ISYNA1: variants seen among roughly 807,000 people sequenced by gnomAD.
The protein encoded by ISYNA1 is MI-1-P synthase.
Under a neutral mutation model 50.3 loss-of-function variants are expected in ISYNA1, and 34 were observed. That is an observed-to-expected ratio of 0.68 (90% CI 0.51 to 0.90). ISYNA1 has a LOEUF of 0.90. ISYNA1 is among the 40% of genes least tolerant of loss of function. ISYNA1 has a pLI of 0.00. For synonymous variants in ISYNA1, 396 were observed against 349.9 expected, an observed-to-expected ratio of 1.13 and a Z score of -1.47; for missense variants, 718 against 784.8, an observed-to-expected ratio of 0.91 and a Z score of 1.02.
chr19:18,438,040 C>G, intron 1 of ISYNA1, 52 bp from the exon 2 acceptor site: 1 of 1,494,890 alleles, frequency 6.7e-7, no homozygotes, highest in Non-Finnish European at 8.9e-7. Context: ...GCGGCCGGGG[C>G]CAAGCCAGCC....
Position 18,437,263 on chromosome 19 carries a change from T to TC in ISYNA1, c.283-159dup. On this transcript the variant is annotated intron_variant, in intron 3 of 10. Coordinates refer to ENST00000338128, the MANE Select transcript of ISYNA1 (RefSeq NM_016368.5). Reference sequence around the variant, plus strand: ...ACGGAAGCCGCTGCCCCCAGGCCCCTCCCCTGAGACCTCCGGCACCTTAAG... The same window carrying TC: ...ACGGAAGCCGCTGCCCCCAGGCCCCTCCCCCTGAGACCTCCGGCACCTTAAG... 2.1e-6 allele frequency: 3 copies of TC among 1,422,114 alleles called. No homozygotes were observed. In the South Asian group the frequency reaches 4.5e-5, roughly 21 times the overall value. 88.1% of individuals were successfully genotyped at this position (1,422,114 alleles called of 1,614,324 possible). A position where few individuals can be genotyped will look rare whatever the true frequency, so the allele number is the denominator to read the frequency against.
At position 18,436,492 on chromosome 19, in the gene ISYNA1, T is replaced by TGGAGAG; in HGVS notation, c.610-14_610-13insCTCTCC. ...GGATCTGCTCCAGCTGTGGGTTGGA[T>TGGAGAG]GGTGAGGGTGTGGGGAGGATGGAGA... is the stretch of plus-strand genomic sequence containing the variant. On this transcript the variant is annotated splice_polypyrimidine_tract_variant and intron_variant, in intron 5 of 10. Transcript: ENST00000338128. 6.2e-7 allele frequency: 1 copy of TGGAGAG among 1,602,844 alleles called. No individual in the cohort carries two copies. The highest frequency in any genetic ancestry group is 1.1e-5 in the South Asian group (1 of 91,034).
chr19:18,437,347 G>A (rs1181442778), intron 3 of ISYNA1: 3 of 1,384,166 alleles, frequency 2.2e-6, no homozygotes, highest in Non-Finnish European at 2.8e-6. Flanking sequence ...CTTCCACGGG[G>A]TCCGCCTGCA....
intron 3 of ISYNA1, 58 bp downstream of exon 3, chr19:18,437,541 C>A: frequency 7.8e-7 from 1 of 1,287,154 alleles, no homozygotes; most frequent in South Asian, 1.6e-5. Flanking sequence ...GGCTCCCGCC[C>A]CCGCCCGCAA....
Position 18,435,826 on chromosome 19 carries a change from G to T in ISYNA1, c.1071C>A (p.Ser357Arg), listed in dbSNP as rs1001719078. The T allele has an allele frequency of 1.2e-6, 2 of 1,613,954 alleles. No homozygotes were observed. Among genetic ancestry groups the T allele is most frequent in the Middle Eastern group, 1.6e-4 (1 of 6,062 alleles). ...TCTGCACCATGTCGTCCACCACGTTGCTCTTGGACACCTCCTTAGAGCGGA... is the reference window on the plus strand; with the variant it reads ...TCTGCACCATGTCGTCCACCACGTTTCTCTTGGACACCTCCTTAGAGCGGA... ...LQFRSKEVSK[S>R]NVVDDMVQSN... The change falls in exon 8 of 11, where the codon AGC becomes AGA. Residue 357 changes from serine to arginine, a missense_variant. Physicochemically the swap from Ser to Arg is moderately radical, Grantham distance 110. This residue lies in a region of ISYNA1 where 305 missense variants were observed against 292.6 expected (regional missense o/e 1.04). Transcript: ENST00000338128.
rs1974117308 is a variant in ISYNA1, at chr19:18,437,649, C to T, written c.232G>A (p.Val78Met). The T allele has an allele frequency of 6.5e-7, 1 of 1,541,390 alleles. No individual in the cohort carries two copies. The highest frequency in any genetic ancestry group is 8.7e-7 in the Non-Finnish European group (1 of 1,147,412). The change falls in exon 3 of 11, where the codon GTG becomes ATG. Residue 78 changes from valine (V) to methionine (M), a missense_variant. By Grantham distance (21) the Val-to-Met change is conservative. This residue lies in a region of ISYNA1 where 403 missense variants were observed against 466.6 expected (regional missense o/e 0.86). Transcript: ENST00000338128. ...GACAAACGCAGTCGATTGGCCAGCA[C>T]CGCGGCGGTGAGTGTGGAGCCGTTG... is the stretch of plus-strand genomic sequence containing the variant. ...GNNGSTLTAA[V>M]LANRLRLSWP...
At position 18,437,768 on chromosome 19, in the gene ISYNA1, C is replaced by CA; in HGVS notation, c.121-9dup. On this transcript the variant is annotated splice_polypyrimidine_tract_variant and intron_variant, in intron 2 of 10. Transcript: ENST00000338128. ...CGTGGACGTGGGGTGCACCTGAAGA[C>CA]AGGCCGCGCAGTGAATCCCGGGTCC... is the stretch of plus-strand genomic sequence containing the variant. The CA allele has an allele frequency of 6.3e-7, 1 of 1,587,584 alleles. No individual in the cohort carries two copies. Among genetic ancestry groups the CA allele is most frequent in the Non-Finnish European group, 8.5e-7 (1 of 1,169,622 alleles).
In ISYNA1 at chr19:18,434,617, T is replaced by G; in HGVS notation, c.*296A>C. ...TGCCACCACACTCTCCACCCTGTGGTCTTGTTCCGTCCCCGCCCCCATCTA... is the reference window on the plus strand; with the variant it reads ...TGCCACCACACTCTCCACCCTGTGGGCTTGTTCCGTCCCCGCCCCCATCTA... On this transcript the variant is annotated 3_prime_UTR_variant, in exon 11 of 11. Transcript: ENST00000338128. The G allele has an allele frequency of 1.8e-6, 1 of 553,920 alleles. No individual in the cohort carries two copies. The highest frequency in any genetic ancestry group is 3.2e-6 in the Non-Finnish European group (1 of 311,070). The allele number at this position is 553,920 out of a possible 1,614,324, so 34.3% of individuals were successfully genotyped here.
Position 18,436,750 on chromosome 19 carries a change from G to A in ISYNA1, c.543C>T (p.Pro181=), listed in dbSNP as rs917606458. Residue 181 remains proline (P), a synonymous_variant, in exon 5 of 11, where the codon CCC becomes CCT. Transcript: ENST00000338128. Reference sequence around the variant, plus strand: ...CGCTCTGGTTGGCCGCGATGAATTCGGGGATGTAAACAGAAGGCCGGGGCC... The same window carrying A: ...CGCTCTGGTTGGCCGCGATGAATTCAGGGATGTAAACAGAAGGCCGGGGCC... The part of the protein sequence containing the change: ...ALRPRPSVYI[P]EFIAANQSAR... 3.2e-6 allele frequency: 5 copies of A among 1,573,058 alleles called. No individual in the cohort carries two copies. Among genetic ancestry groups the A allele is most frequent in the East Asian group, 4.6e-5 (2 of 43,834 alleles).
Position 18,436,955 on chromosome 19 carries a change from G to T in ISYNA1, c.415+18C>A, listed in dbSNP as rs1251493889. The T allele has an allele frequency of 6.3e-7, 1 of 1,599,084 alleles. No individual in the cohort carries two copies. Among genetic ancestry groups the T allele is most frequent in the Admixed American group, 1.7e-5 (1 of 59,660 alleles). On this transcript the variant is annotated intron_variant, in intron 4 of 10. Coordinates refer to ENST00000338128, the MANE Select transcript of ISYNA1 (RefSeq NM_016368.5). ...CCATCTCCCATCCCGCCCCACCCCGGCCCAGGGCTCCGCCCACCATCGAAC... is the reference window on the plus strand; with the variant it reads ...CCATCTCCCATCCCGCCCCACCCCGTCCCAGGGCTCCGCCCACCATCGAAC...
rs1254691036 is a variant in ISYNA1 at position 18,437,715 on chromosome 19, C to A, written c.166G>T (p.Val56Leu). 1.3e-6 allele frequency: 2 copies of A among 1,561,918 alleles called. No homozygotes were observed. The highest frequency in any genetic ancestry group is 8.6e-7 in the Non-Finnish European group (1 of 1,156,578). ...TRFTFRTARQ[V>L]PRLGVMLVGW... The stretch of plus-strand genomic sequence containing the variant: ...ACAAGCATGACCCCGAGCCGGGGCA[C>A]CTGCCGGGCGGTCCGGAAGGTGAAG... Residue 56 changes from valine to leucine, a missense_variant, in exon 3 of 11, where the codon GTG (valine) becomes TTG (leucine). Around this residue, in one of 3 missense-constraint regions of ISYNA1, gnomAD observed 403 missense variants for 466.6 expected, o/e 0.86. Coordinates refer to ENST00000338128, the MANE Select transcript of ISYNA1 (RefSeq NM_016368.5).
chr19:18,437,165 GCCTGGGCCCCACCTAGACTC>G, intron 3 of ISYNA1, 60 bp from the exon 4 acceptor site: 1 of 1,514,990 alleles, frequency 6.6e-7, no homozygotes, highest in Non-Finnish European at 8.9e-7. Flanking sequence ...CCGCGACCCG[GCCTGGGCCCCACCTAGACTC>G]TCAAGCCCCG....
chr19:18,436,255 C>G lies in ISYNA1; in HGVS notation c.760-8G>C. 3 of 1,607,828 alleles carry G rather than the reference C, an allele frequency of 1.9e-6. No individual in the cohort carries two copies. Among genetic ancestry groups the G allele is most frequent in the Non-Finnish European group, 2.5e-6 (3 of 1,179,786 alleles). On this transcript the variant is annotated splice_region_variant and splice_polypyrimidine_tract_variant and intron_variant, in intron 6 of 10. Transcript: ENST00000338128. ...CGACACCTCCAGACCGAGCTGTGGG[C>G]AAGGCGGGCAGTCAGCACAGAGCTG...
chr19:18,435,304 C>A lies in ISYNA1; in HGVS notation c.1434G>T (p.Ala478=). 1.2e-6 allele frequency: 2 copies of A among 1,607,736 alleles called. No homozygotes were observed. The highest frequency in any genetic ancestry group is 1.7e-6 in the Non-Finnish European group (2 of 1,179,866). The change falls in exon 10 of 11, where the codon GCG becomes GCT. Residue 478 remains alanine, a synonymous_variant. Coordinates refer to ENST00000338128, the MANE Select transcript of ISYNA1 (RefSeq NM_016368.5). ...CGATGCAGCTGCGCTGGCGGAAAAGCGCATTGACCACCGGGCTGCCGGGCG... is the reference window on the plus strand; with the variant it reads ...CGATGCAGCTGCGCTGGCGGAAAAGAGCATTGACCACCGGGCTGCCGGGCG... ...LVPPGSPVVN[A]LFRQRSCIEN... is the part of the protein sequence containing the mutation.
Position 18,437,056 on chromosome 19 carries a change from C to T in ISYNA1, c.332G>A (p.Gly111Asp). 6.3e-7 allele frequency: 1 copy of T among 1,596,532 alleles called. No homozygotes were observed. Among genetic ancestry groups the T allele is most frequent in the Non-Finnish European group, 8.5e-7 (1 of 1,174,026 alleles). Reference protein sequence around the residue: ...SLTQAGTVSLGLDAEGQEVFV... With the variant: ...SLTQAGTVSLDLDAEGQEVFV... ...CACCTCCTGGCCCTCGGCGTCCAGGCCCAGGCTCACGGTGCCCGCCTGAGT... is the reference window on the plus strand; with the variant it reads ...CACCTCCTGGCCCTCGGCGTCCAGGTCCAGGCTCACGGTGCCCGCCTGAGT... Residue 111 changes from glycine (G) to aspartate (D), a missense_variant, in exon 4 of 11, where the codon GGC becomes GAC. Gly to Asp is a moderately conservative substitution (Grantham distance 94). Transcript: ENST00000338128.
intron 1 of ISYNA1, 30 bp from the exon 2 acceptor site, chr19:18,438,018 C>A: frequency 6.5e-7 from 1 of 1,529,118 alleles, no homozygotes. Context: ...AGGGGGTCAG[C>A]GGGGACTCTA....
intron 1 of ISYNA1, 38 bp from the exon 2 acceptor site, chr19:18,438,026 C>CT: frequency 6.6e-7 from 1 of 1,520,354 alleles, no homozygotes; most frequent in South Asian, 1.2e-5. Flanking sequence ...AGCGGGGACT[C>CT]TAAGCGGCCG....
In ISYNA1 at chr19:18,437,092, T is replaced by C. The variant is rs1781197116; in HGVS notation, c.296A>G (p.Tyr99Cys). 6.3e-7 allele frequency: 1 copy of C among 1,584,396 alleles called. No homozygotes were observed. Among genetic ancestry groups the C allele is most frequent in the Non-Finnish European group, 8.6e-7 (1 of 1,167,356 alleles). The change falls in exon 4 of 11, where the codon TAC (tyrosine) becomes TGC (cysteine). Residue 99 changes from tyrosine to cysteine, a missense_variant. Physicochemically the swap from Tyr to Cys is radical, Grantham distance 194. This residue lies in a region of ISYNA1 where 403 missense variants were observed against 466.6 expected (regional missense o/e 0.86). Coordinates refer to ENST00000338128, the MANE Select transcript of ISYNA1 (RefSeq NM_016368.5). The stretch of plus-strand genomic sequence containing the variant: ...GGTGCCCGCCTGAGTCAGCGAGCCG[T>C]AGTAGTTGGCCTCCTGGGGGTCAGC... ...TRSGRKEANY[Y>C]GSLTQAGTVS...
chr19:18,436,733 T>A lies in ISYNA1; in HGVS notation c.560A>T (p.Asn187Ile). 1 of 1,568,180 alleles carries A rather than the reference T, an allele frequency of 6.4e-7. No homozygotes were observed. The highest frequency in any genetic ancestry group is 8.6e-7 in the Non-Finnish European group (1 of 1,160,314). The change falls in exon 5 of 11, where the codon AAC becomes ATC. Residue 187 changes from asparagine (N) to isoleucine (I), a missense_variant. Asn to Ile is a moderately radical substitution (Grantham distance 149, BLOSUM62 -3). This residue lies in a region of ISYNA1 where 403 missense variants were observed against 466.6 expected (regional missense o/e 0.86). Coordinates refer to ENST00000338128, the MANE Select transcript of ISYNA1 (RefSeq NM_016368.5). Reference sequence around the variant, plus strand: ...GAGGTTGTCCGCGCGCGCGCTCTGGTTGGCCGCGATGAATTCGGGGATGTA... The same window carrying A: ...GAGGTTGTCCGCGCGCGCGCTCTGGATGGCCGCGATGAATTCGGGGATGTA... ...SVYIPEFIAA[N>I]QSARADNLIP... is the part of the protein sequence containing the mutation.
Sources: allele counts gnomAD v4.1 joint callset, GRCh38; gene constraint gnomAD v4.1.1; regional missense constraint gnomAD v4.1.1; transcripts MANE v1.5; gene names NCBI Gene and HGNC (gene_info 2026-07-23, HGNC 2026-07-21).